Variants in ADAM23 observed in about 807,000 individuals in gnomAD.
The protein encoded by ADAM23 is disintegrin and metalloproteinase domain-containing protein 23.
In ADAM23, 33 loss-of-function variants were observed where a neutral mutation model predicts 120.1. The observed-to-expected ratio is 0.27, with a 90% confidence interval of 0.21 to 0.37. The LOEUF (loss-of-function observed/expected upper bound fraction) is 0.37. ADAM23 is among the 10% of genes least tolerant of loss of function. The probability of loss-of-function intolerance (pLI) is 1.00; values close to 1 mark genes in which losing one functional copy is unlikely to be tolerated. For synonymous variants in ADAM23, 367 were observed against 375.2 expected, an observed-to-expected ratio of 0.98 and a Z score of 0.25; for missense variants, 862 against 1,058.2, an observed-to-expected ratio of 0.81 and a Z score of 2.57.
intron 18 of ADAM23, among the ~76,000 whole-genome samples, chr2:206,579,841 G>A (rs1419121421): frequency 1.3e-5 from 2 of 152,088 alleles, no homozygotes; most frequent in East Asian, 3.9e-4. Flanking sequence ...TTCAAATATT[G>A]ATTCTACCCA....
At position 206,498,941 on chromosome 2, in the gene ADAM23, A is replaced by G. The variant is rs554427536; in HGVS notation, c.509+17633A>G. Among the ~76,000 whole-genome samples, 8 of 152,370 alleles carry G rather than the reference A, an allele frequency of 5.3e-5. No individual in the cohort carries two copies. In the South Asian group the frequency reaches 1.2e-3, roughly 24 times the overall value. ...CAGAGAAATGCAAATCAGAACCGCA[A>G]TGAGATACCATCTCACACCAGTTAG... On this transcript the variant is annotated intron_variant, in intron 3 of 25. Coordinates refer to ENST00000264377, the MANE Select transcript of ADAM23 (RefSeq NM_003812.4).
At position 206,596,036 on chromosome 2, in the gene ADAM23, C is replaced by A; in HGVS notation, c.2248-15C>A. ...ATACAGTGAAAATGCCATATCTGTT[C>A]CTTTTTCTTCACAGGTGTGTAGTAA... On this transcript the variant is annotated splice_polypyrimidine_tract_variant and intron_variant, in intron 23 of 25. Transcript: ENST00000264377. 2 of 1,595,640 alleles carry A rather than the reference C, an allele frequency of 1.3e-6. No homozygotes were observed. The highest frequency in any genetic ancestry group is 1.7e-6 in the Non-Finnish European group (2 of 1,164,144).
chr2:206,606,786 TA>T (rs1698736371), intron 24 of ADAM23: 1 of 152,104 alleles, frequency 6.6e-6, no homozygotes, highest in African/African-American at 2.4e-5. Flanking sequence ...TCTCTCTAAT[TA>T]GAAAAAGAAT....
chr2:206,516,507 G>T (rs1696733860), intron 3 of ADAM23, among the ~76,000 whole-genome samples: 1 of 152,010 alleles, frequency 6.6e-6, no homozygotes, highest in South Asian at 2.1e-4. Context: ...AGATTTAGTG[G>T]CTGGCAGAGA....
intron 3 of ADAM23, among the ~76,000 whole-genome samples, chr2:206,520,559 G>A (rs1047521004): frequency 1.3e-5 from 2 of 151,486 alleles, no homozygotes; most frequent in Non-Finnish European, 2.9e-5. Flanking sequence ...CAGTATCTTC[G>A]GCCGTTAATT....
intron 2 of ADAM23, among the ~76,000 whole-genome samples, chr2:206,477,961 C>G (rs1476218628): frequency 7.2e-6 from 1 of 138,568 alleles, no homozygotes; most frequent in Non-Finnish European, 1.5e-5. Flanking sequence ...ACTCACTTTA[C>G]ATGATTTGAA....
intron 25 of ADAM23, among the ~76,000 whole-genome samples, chr2:206,614,345 A>T (rs932230276): frequency 2.0e-5 from 3 of 152,200 alleles, no homozygotes; most frequent in African/African-American, 7.2e-5. Context: ...AAAAAGAGCT[A>T]TATCTAGACT....
chr2:206,540,748 T>G (rs900870794), intron 4 of ADAM23, among the ~76,000 whole-genome samples: 2 of 151,488 alleles, frequency 1.3e-5, no homozygotes, highest in Non-Finnish European at 2.9e-5. Context: ...AAAAGAAAAA[T>G]TGGTTGAAAG....
At chr2:206,590,573 A>ACCC (rs1476907755) in intron 21 of ADAM23, among the ~76,000 whole-genome samples, 1 of 152,206 alleles carries the variant, frequency 6.6e-6, no homozygotes, top group Non-Finnish European at 1.5e-5. Flanking sequence ...ATTTAAGGGA[A>ACCC]GCTTTATTCT....
In ADAM23 at chr2:206,530,963, G is replaced by A. The variant is rs182508163; in HGVS notation, c.573+15G>A. ...AGTACTCTAAGGTACGGTTACCGGC[G>A]TCGGCAAGTACTCTAGTATAAGTGT... On this transcript the variant is annotated intron_variant, in intron 4 of 25. Coordinates refer to ENST00000264377, the MANE Select transcript of ADAM23 (RefSeq NM_003812.4). The A allele has an allele frequency of 3.1e-5, 50 of 1,610,664 alleles. No individual in the cohort carries two copies. In the African/African-American group the frequency reaches 3.2e-4, roughly 10 times the overall value.
chr2:206,464,901 C>T (rs569557882), intron 2 of ADAM23, among the ~76,000 whole-genome samples: 1 of 151,898 alleles, frequency 6.6e-6, no homozygotes, highest in African/African-American at 2.4e-5. Context: ...GTAGAGAAAC[C>T]CTGCAGTAGA....
At chr2:206,501,072 T>C (rs1010129178) in intron 3 of ADAM23, among the ~76,000 whole-genome samples, 1 of 152,050 alleles carries the variant, frequency 6.6e-6, no homozygotes, top group African/African-American at 2.4e-5. Context: ...GAAAAGAGCT[T>C]TGATTGTGAT....
chr2:206,610,397 A>C (rs1412020953), intron 25 of ADAM23, among the ~76,000 whole-genome samples: 3 of 152,212 alleles, frequency 2.0e-5, no homozygotes, highest in Admixed American at 6.5e-5. Flanking sequence ...GATATTTTGA[A>C]ATTTTCACAA....
chr2:206,529,732 A>G (rs555849824), intron 3 of ADAM23, among the ~76,000 whole-genome samples: 5 of 151,990 alleles, frequency 3.3e-5, no homozygotes, highest in African/African-American at 7.2e-5. Context: ...TTGGCAAACT[A>G]TTGCACACAA....
At chr2:206,533,123 T>C (rs1697102051) in intron 4 of ADAM23, among the ~76,000 whole-genome samples, 2 of 152,166 alleles carry the variant, frequency 1.3e-5, no homozygotes, top group South Asian at 4.1e-4. Flanking sequence ...AAAAGGAAAT[T>C]AATATGTAAG....
chr2:206,607,185 A>G (rs1698743771), intron 24 of ADAM23: 1 of 152,252 alleles, frequency 6.6e-6, no homozygotes, highest in African/African-American at 2.4e-5. Context: ...GAAGCTGGTT[A>G]GCACAGGGGA....
chr2:206,499,179 A>G (rs903227177), intron 3 of ADAM23, among the ~76,000 whole-genome samples: 11 of 151,940 alleles, frequency 7.2e-5, no homozygotes, highest in Non-Finnish European at 1.5e-4. Flanking sequence ...TCATGCTGCT[A>G]TAAAGACACA....
At chr2:206,603,454 G>A (rs1319526237) in intron 24 of ADAM23, among the ~76,000 whole-genome samples, 4 of 152,170 alleles carry the variant, frequency 2.6e-5, no homozygotes, top group African/African-American at 9.7e-5. Context: ...AGAATCAAAT[G>A]GCACTTTACA....
chr2:206,543,375 G>A lies in ADAM23; in HGVS notation c.720+59G>A. 2 of 1,366,278 alleles carry A rather than the reference G, an allele frequency of 1.5e-6. 1 individual carries two copies. Among genetic ancestry groups the A allele is most frequent in the Non-Finnish European group, 2.1e-6 (2 of 961,430 alleles). The allele number at this position is 1,366,278 out of a possible 1,614,324, so 84.6% of individuals were successfully genotyped here. A position where few individuals can be genotyped will look rare whatever the true frequency, so the allele number is the denominator to read the frequency against. Reference sequence around the variant, plus strand: ...CTACTCCTCCAGCAACTTTGTCTTTGAGAAGAAAAGAGAAAAGAGTGTAGA... The same window carrying A: ...CTACTCCTCCAGCAACTTTGTCTTTAAGAAGAAAAGAGAAAAGAGTGTAGA... On this transcript the variant is annotated intron_variant, in intron 6 of 25. Coordinates refer to ENST00000264377, the MANE Select transcript of ADAM23 (RefSeq NM_003812.4).
Sources: allele counts gnomAD v4.1 joint callset (sites outside exome capture counted in the v4.1 genomes callset), GRCh38; gene constraint gnomAD v4.1.1; transcripts MANE v1.5; gene names NCBI Gene and HGNC (gene_info 2026-07-23, HGNC 2026-07-21).